Variants in PSMG2 observed in about 807,000 individuals in gnomAD.
PSMG2 encodes CD40 ligand-activated specific transcript 3.
Under a neutral mutation model 31.5 loss-of-function variants are expected in PSMG2, and 21 were observed. The ratio of observed to expected loss-of-function variants is 0.67; its 90% CI spans 0.47 to 0.96. PSMG2 has a LOEUF of 0.96. PSMG2 is among the 40% of genes least tolerant of loss of function. PSMG2 has a pLI of 0.00. For missense variants in PSMG2, 318 were observed against 321.2 expected, an observed-to-expected ratio of 0.99 and a Z score of 0.08; for synonymous variants, 120 against 110.4, an observed-to-expected ratio of 1.09 and a Z score of -0.54.
At chr18:12,683,495 G>T (rs1167884878) in intron 1 of PSMG2, among the ~76,000 whole-genome samples, 1 of 151,514 alleles carries the variant, frequency 6.6e-6, no homozygotes, top group Non-Finnish European at 1.5e-5. Context: ...TTAAAAAACG[G>T]AAATCAGCAC....
At chr18:12,717,785 G>A (rs967171286) in intron 3 of PSMG2, among the ~76,000 whole-genome samples, 5 of 152,172 alleles carry the variant, frequency 3.3e-5, no homozygotes, top group African/African-American at 9.6e-5. Context: ...TTGAGGAACC[G>A]GGGCTGGATG....
chr18:12,670,484 A>C (rs569070896), intron 1 of PSMG2: 2 of 152,304 alleles, frequency 1.3e-5, no homozygotes, highest in Admixed American at 6.5e-5. Flanking sequence ...TTTGAAATAC[A>C]CGTTACTCTG....
rs76484836 is a variant in PSMG2, at chr18:12,724,877, G to A, written c.702+258G>A. The A allele has an allele frequency of 2.4e-3, 976 of 409,080 alleles. 7 individuals are homozygous for A. Among genetic ancestry groups the A allele is most frequent in the African/African-American group, 0.019 (918 of 48,732 alleles). 25.3% of individuals were successfully genotyped at this position (409,080 alleles called of 1,614,324 possible). ...TTCATTGTACTTACTATTCATGTTA[G>A]ATTAATTATGCCAGACATAGTCTTG... On this transcript the variant is annotated intron_variant, in intron 6 of 6. Coordinates refer to ENST00000317615, the MANE Select transcript of PSMG2 (RefSeq NM_020232.5).
At chr18:12,660,123 G>C (rs1273048469) in intron 1 of PSMG2, among the ~76,000 whole-genome samples, 2 of 152,004 alleles carry the variant, frequency 1.3e-5, no homozygotes, top group African/African-American at 4.8e-5. Context: ...TTACCCACCA[G>C]TAAACAAGAT....
rs563059756 is a variant in PSMG2 at position 12,680,700 on chromosome 18, A to T, written c.-37+21927A>T. 4 of 1,613,268 alleles carry T rather than the reference A, an allele frequency of 2.5e-6. No homozygotes were observed. In the East Asian group the frequency reaches 8.9e-5, roughly 36 times the overall value. ...AACTCTCCCAAAAAGTGATGGCCCC[A>T]TCAGTTCCACAAGTCATAACCCATG... On this transcript the variant is annotated intron_variant, in intron 1 of 6. Coordinates refer to the PSMG2 transcript ENST00000585331.
At chr18:12,662,805 A>G (rs1224237399) in intron 1 of PSMG2, among the ~76,000 whole-genome samples, 1 of 152,134 alleles carries the variant, frequency 6.6e-6, no homozygotes, top group African/African-American at 2.4e-5. Flanking sequence ...TTTTTTGACG[A>G]AAAGTAGAGG....
chr18:12,665,046 T>C (rs1481399726), intron 1 of PSMG2: 1 of 152,170 alleles, frequency 6.6e-6, no homozygotes, highest in African/African-American at 2.4e-5. Context: ...AAAAGGTTTT[T>C]TTTTTCCCTG....
chr18:12,669,764 G>T (rs1263619365), intron 1 of PSMG2, among the ~76,000 whole-genome samples: 2 of 152,104 alleles, frequency 1.3e-5, no homozygotes, highest in East Asian at 3.9e-4. Flanking sequence ...ACTTTGGGAG[G>T]CCAAGGCGGG....
Position 12,672,808 on chromosome 18 carries a change from C to T in PSMG2, c.-37+14035C>T, listed in dbSNP as rs749600716. On this transcript the variant is annotated intron_variant, in intron 1 of 6. Transcript: ENST00000585331. ...TTTCTGGTATTAGTTTTTTCCTACT[C>T]TTGCTTCAAGGTCCAACCATAAATT... 8 of 984,012 alleles carry T rather than the reference C, an allele frequency of 8.1e-6. No homozygotes were observed. The South Asian group carries it at 3.3e-4, about 41-fold the overall frequency. The allele number at this position is 984,012 out of a possible 1,614,324, so 61.0% of individuals were successfully genotyped here. A position where few individuals can be genotyped will look rare whatever the true frequency, so the allele number is the denominator to read the frequency against.
upstream of PSMG2, chr18:12,699,116 A>G (rs778587694): frequency 1.9e-6 from 3 of 1,614,052 alleles, no homozygotes; most frequent in Non-Finnish European, 2.5e-6. Context: ...TTGTCCAGGT[A>G]AAGGCTCAGG....
At chr18:12,667,881 G>C (rs1181709147) in intron 1 of PSMG2, among the ~76,000 whole-genome samples, 3 of 83,762 alleles carry the variant, frequency 3.6e-5, no homozygotes, top group Admixed American at 1.5e-4. Flanking sequence ...AATAGAACAA[G>C]AAAGCAGTAA....
At chr18:12,673,296 T>C (rs1039289414) in intron 1 of PSMG2, 4 of 1,521,118 alleles carry the variant, frequency 2.6e-6, no homozygotes, top group South Asian at 2.6e-5. Context: ...AACCTCTAAA[T>C]AGCTAAGTAA....
chr18:12,720,669 A>G lies in PSMG2; in HGVS notation c.567A>G (p.Thr189=), dbSNP rs764790038. 1.3e-5 allele frequency: 21 copies of G among 1,607,934 alleles called. 1 individual carries two copies. The African/African-American group carries it at 1.7e-4, about 13-fold the overall frequency. ...IRIPGGGITK[T]LYDESCSKEI... ...TTCCGGGAGGAGGTATCACAAAAACACTCTATGATGAAAGGTGAGTTTGTT... is the reference window on the plus strand; with the variant it reads ...TTCCGGGAGGAGGTATCACAAAAACGCTCTATGATGAAAGGTGAGTTTGTT... The change falls in exon 5 of 7, where the codon ACA becomes ACG. Residue 189 remains threonine, a synonymous_variant. Coordinates refer to ENST00000317615, the MANE Select transcript of PSMG2 (RefSeq NM_020232.5).
intron 1 of PSMG2, among the ~76,000 whole-genome samples, chr18:12,667,271 T>G (rs2144952756): frequency 6.6e-6 from 1 of 152,014 alleles, no homozygotes; most frequent in East Asian, 1.9e-4. Context: ...GACCTGTATT[T>G]GAGTGAGACC....
chr18:12,674,441 T>TAAAAA, intron 1 of PSMG2: 1 of 715,114 alleles, frequency 1.4e-6, no homozygotes, highest in Non-Finnish European at 2.2e-6. Flanking sequence ...GACCTTGAGT[T>TAAAAA]AAAAAAAAAA....
At chr18:12,688,890 G>A (rs2039643840) in intron 1 of PSMG2, among the ~76,000 whole-genome samples, 1 of 152,058 alleles carries the variant, frequency 6.6e-6, no homozygotes, top group Non-Finnish European at 1.5e-5. Context: ...CGAGGCGGGC[G>A]GGTCATGAGG....
chr18:12,725,022 T>C (rs1167483473), intron 6 of PSMG2, among the ~76,000 whole-genome samples: 34 of 152,210 alleles, frequency 2.2e-4, no homozygotes, highest in Admixed American at 1.3e-3. Flanking sequence ...TTCTCTATTA[T>C]GAAATGAGAG....
At chr18:12,685,483 T>G (rs1352470828) in intron 1 of PSMG2, 2 of 151,960 alleles carry the variant, frequency 1.3e-5, no homozygotes, top group Non-Finnish European at 2.9e-5. Context: ...CATGAGAAAA[T>G]AAAGATGCTG....
chr18:12,676,204 G>C (rs2039123517), intron 1 of PSMG2, among the ~76,000 whole-genome samples: 1 of 151,618 alleles, frequency 6.6e-6, no homozygotes, highest in East Asian at 1.9e-4. Flanking sequence ...CTGATTTACA[G>C]GCACCTTAAC....
Sources: allele counts gnomAD v4.1 joint callset (sites outside exome capture counted in the v4.1 genomes callset), GRCh38; gene constraint gnomAD v4.1.1; transcripts MANE v1.5; gene names NCBI Gene and HGNC (gene_info 2026-07-23, HGNC 2026-07-21).